The following CEP55 variants were observed in gnomAD, a reference collection of about 807,000 sequenced individuals.
CEP55 encodes the protein centrosomal protein of 55 kDa.
Under a neutral mutation model 63.2 loss-of-function variants are expected in CEP55, and 57 were observed. The observed-to-expected ratio is 0.90, with a 90% CI of 0.73 to 1.13. The LOEUF (loss-of-function observed/expected upper bound fraction) is 1.13. Ranked by LOEUF, CEP55 falls within the 50% of genes most tolerant of loss-of-function variation. The pLI is 0.00. For synonymous variants in CEP55, 178 were observed against 191.6 expected (o/e 0.93, Z 0.59); for missense variants, 456 against 518.9 (o/e 0.88, Z 1.18).
chr10:93,520,014 C>A, intron 8 of CEP55: 1 of 588,458 alleles, frequency 1.7e-6, no homozygotes, highest in Non-Finnish European at 3.0e-6. Context: ...TGGAAACATT[C>A]CCCCAACTAC....
chr10:93,507,428 G>A lies in CEP55; in HGVS notation c.528+372G>A, dbSNP rs2057700708. On this transcript the variant is annotated intron_variant, in intron 4 of 8. Coordinates refer to ENST00000371485, the MANE Select transcript of CEP55 (RefSeq NM_018131.5). ...GTAGAGATGGGGTTTCACCATGTTG[G>A]CCAGGCTGGTCTCAAACTCCTGACC... Among the ~76,000 whole-genome samples the A allele has an allele frequency of 2.0e-5, 3 of 151,806 alleles. No individual in the cohort carries two copies. The South Asian group carries it at 6.3e-4, about 32-fold the overall frequency.
chr10:93,511,964 C>T (rs921781690), intron 4 of CEP55, among the ~76,000 whole-genome samples: 2 of 151,756 alleles, frequency 1.3e-5, no homozygotes, highest in Non-Finnish European at 2.9e-5. Context: ...CGCAGTGGCT[C>T]ACGTCTGTAA....
intron 2 of CEP55, among the ~76,000 whole-genome samples, chr10:93,501,526 G>A (rs768226477): frequency 1.3e-5 from 2 of 152,004 alleles, no homozygotes; most frequent in Non-Finnish European, 2.9e-5. Flanking sequence ...AAAATTAGCC[G>A]GATGTGTTGG....
chr10:93,506,856 G>A, intron 3 of CEP55, 132 bp from the exon 4 acceptor site: 1 of 712,722 alleles, frequency 1.4e-6, no homozygotes, highest in Non-Finnish European at 2.6e-6. Flanking sequence ...TTATAGGCGT[G>A]AGCCACCGTG....
At position 93,528,100 on chromosome 10, in the gene CEP55, C is replaced by A; in HGVS notation, c.1342C>A (p.Pro448Thr). The A allele has an allele frequency of 6.2e-7, 1 of 1,614,032 alleles. No homozygotes were observed. Among genetic ancestry groups the A allele is most frequent in the African/African-American group, 1.3e-5 (1 of 75,010 alleles). ...ATGTCCCAAGTGCAATATACAGTAT[C>A]CAGCCACTGAGCATCGCGATCTGCT... ...VECPKCNIQY[P>T]ATEHRDLLVH... is the part of the protein sequence containing the mutation. The change falls in exon 9 of 9, where the codon CCA (proline) becomes ACA (threonine). Residue 448 changes from proline (P) to threonine (T), a missense_variant. Pro to Thr is a conservative substitution (Grantham distance 38, BLOSUM62 -1). Transcript: ENST00000371485.
At chr10:93,514,236 A>G (rs1390921048) in intron 4 of CEP55, among the ~76,000 whole-genome samples, 1 of 151,952 alleles carries the variant, frequency 6.6e-6, no homozygotes, top group Admixed American at 6.6e-5. Context: ...CAGCCCACAG[A>G]CCCCATTTCT....
At position 93,501,711 on chromosome 10, in the gene CEP55, T is replaced by G. The variant is rs61076540; in HGVS notation, c.184-1402T>G. 1.8e-3 allele frequency among the ~76,000 whole-genome samples: 270 copies of G among 152,210 alleles called. 3 individuals carry two copies. In the East Asian group the frequency reaches 0.022, roughly 13 times the overall value. On this transcript the variant is annotated intron_variant, in intron 2 of 8. Coordinates refer to ENST00000371485, the MANE Select transcript of CEP55 (RefSeq NM_018131.5). ...TAAAATAAAATAAATGGTTAAACAGTATACCATTTGATTTATTTAAATTCT... is the reference window on the plus strand; with the variant it reads ...TAAAATAAAATAAATGGTTAAACAGGATACCATTTGATTTATTTAAATTCT...
intron 3 of CEP55, among the ~76,000 whole-genome samples, chr10:93,504,839 G>A (rs2057671680): frequency 1.3e-5 from 2 of 152,068 alleles, no homozygotes; most frequent in African/African-American, 4.8e-5. Flanking sequence ...TTTTGAGACA[G>A]AGTCTCATTT....
chr10:93,528,066 C>G lies in CEP55; in HGVS notation c.1308C>G (p.Ser436Arg), dbSNP rs1224140538. 1.9e-6 allele frequency: 3 copies of G among 1,613,880 alleles called. No individual in the cohort carries two copies. The highest frequency in any genetic ancestry group is 2.5e-6 in the Non-Finnish European group (3 of 1,179,972). Reference sequence around the variant, plus strand: ...GTCCCACTGCTGCACTCAATGAAAGCCTGGTGGAATGTCCCAAGTGCAATA... The same window carrying G: ...GTCCCACTGCTGCACTCAATGAAAGGCTGGTGGAATGTCCCAAGTGCAATA... ...PKSPTAALNE[S>R]LVECPKCNIQ... The change falls in exon 9 of 9, where the codon AGC (serine) becomes AGG (arginine). Residue 436 changes from serine to arginine, a missense_variant. By Grantham distance (110) the Ser-to-Arg change is moderately radical (BLOSUM62 -1). Transcript: ENST00000371485.
rs140426998 is a variant in CEP55, at chr10:93,528,034, C to T, written c.1276C>T (p.Pro426Ser). Residue 426 changes from proline to serine, a missense_variant, in exon 9 of 9, where the codon CCA becomes TCA. By Grantham distance (74) the Pro-to-Ser change is moderately conservative. Transcript: ENST00000371485. The stretch of plus-strand genomic sequence containing the variant: ...AAACAGAGAAAAAGTTGCCGCCTCA[C>T]CAAAAAGTCCCACTGCTGCACTCAA... ...TENREKVAAS[P>S]KSPTAALNES... The T allele has an allele frequency of 6.2e-7, 1 of 1,614,080 alleles. No homozygotes were observed. Among genetic ancestry groups the T allele is most frequent in the South Asian group, 1.1e-5 (1 of 91,082 alleles).
At chr10:93,526,813 C>G (rs1384399852) in intron 8 of CEP55, among the ~76,000 whole-genome samples, 1 of 152,098 alleles carries the variant, frequency 6.6e-6, no homozygotes, top group Non-Finnish European at 1.5e-5. Flanking sequence ...AACCATCATT[C>G]TCAGCAAACT....
chr10:93,519,510 C>T (rs980588946), intron 7 of CEP55, among the ~76,000 whole-genome samples, 172 bp from the exon 8 acceptor site: 39 of 152,286 alleles, frequency 2.6e-4, no homozygotes, highest in African/African-American at 4.6e-4. Flanking sequence ...AAACCAAATC[C>T]TCAGCCATAA....
intron 3 of CEP55, among the ~76,000 whole-genome samples, chr10:93,505,127 T>A (rs1375968409): frequency 1.3e-5 from 2 of 152,232 alleles, no homozygotes; most frequent in African/African-American, 4.8e-5. Flanking sequence ...TTATAATTTT[T>A]AAAAATGTAT....
intron 4 of CEP55, among the ~76,000 whole-genome samples, chr10:93,507,333 A>G (rs908171759): frequency 2.2e-4 from 32 of 148,480 alleles, no homozygotes; most frequent in Admixed American, 8.2e-4. Flanking sequence ...AAGCAGTTCT[A>G]CCTCAGCCTC....
chr10:93,519,599 C>A, intron 7 of CEP55, 83 bp from the exon 8 acceptor site: 2 of 1,427,550 alleles, frequency 1.4e-6, no homozygotes, highest in Non-Finnish European at 1.9e-6. Flanking sequence ...TCTTCATGTG[C>A]TAATAAAAAA....
At chr10:93,526,186 C>G (rs1196693484) in intron 8 of CEP55, among the ~76,000 whole-genome samples, 1 of 152,184 alleles carries the variant, frequency 6.6e-6, no homozygotes, top group Non-Finnish European at 1.5e-5. Context: ...GCAATCTACT[C>G]AACCTACAAA....
chr10:93,512,944 G>A (rs1394855062), intron 4 of CEP55, among the ~76,000 whole-genome samples: 1 of 152,098 alleles, frequency 6.6e-6, no homozygotes, highest in Non-Finnish European at 1.5e-5. Flanking sequence ...TACGAAAAAT[G>A]TCAAACATAC....
Position 93,516,975 on chromosome 10 carries a change from C to T in CEP55, c.720C>T (p.Leu240=), listed in dbSNP as rs2057809733. 6 of 1,600,968 alleles carry T rather than the reference C, an allele frequency of 3.7e-6. No homozygotes were observed. The East Asian group carries it at 1.3e-4, about 36-fold the overall frequency. The change falls in exon 6 of 9, where the codon CTC becomes CTT. Residue 240 remains leucine (L), a synonymous_variant. Coordinates refer to ENST00000371485, the MANE Select transcript of CEP55 (RefSeq NM_018131.5). ...AGAAGCAGAAATGTTACAACGATCT[C>T]TTGGCAAGTGCAAAAAAAGATCTTG... ...QEEKQKCYND[L]LASAKKDLEV... is the part of the protein sequence containing the mutation.
In CEP55 at chr10:93,521,446, G is replaced by A. The variant is rs1488785016; in HGVS notation, c.1191+1639G>A. 2.0e-5 allele frequency among the ~76,000 whole-genome samples: 3 copies of A among 152,168 alleles called. No homozygotes were observed. In the East Asian group the frequency reaches 5.8e-4, roughly 29 times the overall value. On this transcript the variant is annotated intron_variant, in intron 8 of 8. Coordinates refer to ENST00000371485, the MANE Select transcript of CEP55 (RefSeq NM_018131.5). ...CTCGAGTAAGTAAACAAAGCGGCCGGGAAGCTCGAACTGGGTGGAGCCCAC... is the reference window on the plus strand; with the variant it reads ...CTCGAGTAAGTAAACAAAGCGGCCGAGAAGCTCGAACTGGGTGGAGCCCAC...
Sources: gnomAD v4.1 joint callset for allele counts (sites outside exome capture counted in the v4.1 genomes callset) on GRCh38, gnomAD v4.1.1 for gene constraint, MANE v1.5 for transcripts, NCBI Gene and HGNC (gene_info 2026-07-23, HGNC 2026-07-21) for gene names.